LRRK1: variants seen among roughly 807,000 people sequenced by gnomAD.
LRRK1 encodes leucine-rich repeat serine/threonine-protein kinase 1.
LRRK1 carries 113 observed loss-of-function variants against 209.1 expected under a neutral mutation model. The ratio of observed to expected loss-of-function variants is 0.54; its 90% CI spans 0.46 to 0.63. LRRK1 has a LOEUF of 0.63. Ranked by LOEUF, LRRK1 falls within the 30% of genes least tolerant of loss-of-function variation. LRRK1 has a pLI of 0.00. For missense variants in LRRK1, 2,284 were observed against 2,632.2 expected, an observed-to-expected ratio of 0.87 and a Z score of 2.89; for synonymous variants, 1,144 against 1,099.7, an observed-to-expected ratio of 1.04 and a Z score of -0.80.
At chr15:100,938,127 G>C (rs1339389892) in intron 2 of LRRK1, among the ~76,000 whole-genome samples, 1 of 151,850 alleles carries the variant, frequency 6.6e-6, no homozygotes, top group Admixed American at 6.6e-5. Flanking sequence ...CCAAGGTGCT[G>C]GGATTACAGA....
At chr15:100,936,655 T>A (rs538716250) in intron 2 of LRRK1, among the ~76,000 whole-genome samples, 323 of 152,318 alleles carry the variant, frequency 2.1e-3, no homozygotes, top group Non-Finnish European at 3.4e-3. Flanking sequence ...GTCAATAGCA[T>A]GCTAGCTGTG....
rs2036517094 is a variant in LRRK1 at position 101,066,107 on chromosome 15, G to A, written c.5670G>A (p.Arg1890=). ...MLHTPGAASD[R]SEHDLTPMDG... is the part of the protein sequence containing the mutation. ...ATACGCCCGGTGCTGCCTCCGACAG[G>A]TCTGAGCATGACCTGACCCCCATGG... is the stretch of plus-strand genomic sequence containing the variant. The change falls in exon 32 of 34, where the codon AGG becomes AGA. Residue 1890 remains arginine (R), a synonymous_variant. Coordinates refer to ENST00000388948, the MANE Select transcript of LRRK1 (RefSeq NM_024652.6). 6.2e-7 allele frequency: 1 copy of A among 1,614,128 alleles called. No individual in the cohort carries two copies. The highest frequency in any genetic ancestry group is 8.5e-7 in the Non-Finnish European group (1 of 1,180,044).
intron 33 of LRRK1, among the ~76,000 whole-genome samples, chr15:101,068,246 G>T (rs187043443): frequency 1.5e-3 from 235 of 152,300 alleles, no homozygotes; most frequent in African/African-American, 5.6e-3. Flanking sequence ...TAAGCCTGTA[G>T]AAACAGAATG....
intron 6 of LRRK1, among the ~76,000 whole-genome samples, chr15:100,993,575 C>A (rs892027642): frequency 6.6e-6 from 1 of 152,190 alleles, no homozygotes; most frequent in Non-Finnish European, 1.5e-5. Context: ...TTTGTTTTCT[C>A]TTCACGTGTC....
At chr15:101,012,633 A>T (rs917217462) in intron 10 of LRRK1, among the ~76,000 whole-genome samples, 2 of 149,830 alleles carry the variant, frequency 1.3e-5, no homozygotes, top group African/African-American at 4.9e-5. Context: ...GTGGACCCCC[A>T]GGCAGAGTGC....
chr15:101,025,147 G>A (rs2033966656), intron 16 of LRRK1, among the ~76,000 whole-genome samples, 180 bp downstream of exon 16: 1 of 152,152 alleles, frequency 6.6e-6, no homozygotes, highest in Non-Finnish European at 1.5e-5. Flanking sequence ...CTCTGCTGAG[G>A]GCTGGTGATG....
At chr15:100,936,628 C>T (rs571757583) in intron 2 of LRRK1, among the ~76,000 whole-genome samples, 16 of 152,344 alleles carry the variant, frequency 1.1e-4, no homozygotes, top group Non-Finnish European at 1.6e-4. Flanking sequence ...TGGGTCTTCC[C>T]TCTCAGAGCC....
chr15:101,008,583 A>C (rs1253116120), intron 6 of LRRK1, among the ~76,000 whole-genome samples: 1 of 152,120 alleles, frequency 6.6e-6, no homozygotes, highest in African/African-American at 2.4e-5. Context: ...CGCCCTCTGG[A>C]GGTTGGAGGG....
At chr15:101,057,836 G>A (rs1366545597) in intron 28 of LRRK1, among the ~76,000 whole-genome samples, 154 bp from the exon 29 acceptor site, 4 of 152,328 alleles carry the variant, frequency 2.6e-5, no homozygotes, top group Non-Finnish European at 4.4e-5. Flanking sequence ...TGCTCCTGAC[G>A]TCTGAAGCTG....
chr15:100,940,530 C>T (rs993470216), intron 2 of LRRK1, among the ~76,000 whole-genome samples: 6 of 152,194 alleles, frequency 3.9e-5, no homozygotes, highest in African/African-American at 9.7e-5. Context: ...TCAACGGTGT[C>T]TCTGCTCTGC....
At position 100,924,571 on chromosome 15, in the gene LRRK1, C is replaced by A; in HGVS notation, c.-62C>A. The A allele has an allele frequency of 1.4e-6, 2 of 1,472,332 alleles. No homozygotes were observed. The highest frequency in any genetic ancestry group is 1.9e-6 in the Non-Finnish European group (2 of 1,052,512). 91.2% of individuals were successfully genotyped at this position (1,472,332 alleles called of 1,614,324 possible). A position where few individuals can be genotyped will look rare whatever the true frequency, so the allele number is the denominator to read the frequency against. ...TCCACGCCTTAATGCACCCCACAGC[C>A]AGCGGCAGTGGCAGTGACAACAGCG... On this transcript the variant is annotated 5_prime_UTR_variant, in exon 2 of 34. Transcript: ENST00000388948.
intron 2 of LRRK1, among the ~76,000 whole-genome samples, chr15:100,956,442 T>TC (rs2042758513): frequency 1.6e-5 from 2 of 125,298 alleles, no homozygotes; most frequent in Admixed American, 1.8e-4. Flanking sequence ...CGCTTTTCTT[T>TC]CCTTTTTTTT....
Position 101,015,323 on chromosome 15 carries a change from C to CG in LRRK1, c.1533-3_1533-2insG. Reference sequence around the variant, plus strand: ...AAATTTTGTCTCTTTTTCCTCCCCCCAGAAATGAAGATGGACTGAAAACGA... The same window carrying CG: ...AAATTTTGTCTCTTTTTCCTCCCCCCGAGAAATGAAGATGGACTGAAAACGA... On this transcript the variant is annotated splice_region_variant and splice_polypyrimidine_tract_variant and intron_variant, in intron 11 of 33. Coordinates refer to ENST00000388948, the MANE Select transcript of LRRK1 (RefSeq NM_024652.6). 1.2e-6 allele frequency: 2 copies of CG among 1,613,144 alleles called. No homozygotes were observed. The highest frequency in any genetic ancestry group is 3.3e-5 in the Admixed American group (2 of 59,956).
At chr15:100,932,781 G>C (rs536381750) in intron 2 of LRRK1, among the ~76,000 whole-genome samples, 1 of 152,328 alleles carries the variant, frequency 6.6e-6, no homozygotes, top group East Asian at 1.9e-4. Flanking sequence ...CGTTGAAACA[G>C]TGCCTGTTGA....
In LRRK1 at chr15:101,027,567, G is replaced by A; in HGVS notation, c.2527-71G>A. 1.3e-6 allele frequency: 2 copies of A among 1,571,042 alleles called. No individual in the cohort carries two copies. The highest frequency in any genetic ancestry group is 1.7e-6 in the Non-Finnish European group (2 of 1,157,856). ...CACCCCCTCAGGCCACAGGGGCCGG[G>A]CAGGATCTGCCCAAGCTGGCAGGTG... is the stretch of plus-strand genomic sequence containing the variant. On this transcript the variant is annotated intron_variant, in intron 18 of 33. Coordinates refer to ENST00000388948, the MANE Select transcript of LRRK1 (RefSeq NM_024652.6). The surrounding 1 kb of genome is among the most constrained non-coding windows in gnomAD (Gnocchi z 5.1).
At chr15:100,928,214 C>T (rs1034564774) in intron 2 of LRRK1, among the ~76,000 whole-genome samples, 1 of 152,214 alleles carries the variant, frequency 6.6e-6, no homozygotes, top group East Asian at 1.9e-4. Flanking sequence ...GGTAAACCTC[C>T]TGTGCTTACA....
intron 2 of LRRK1, among the ~76,000 whole-genome samples, chr15:100,949,912 A>G (rs1287051450): frequency 2.0e-5 from 3 of 152,136 alleles, no homozygotes; most frequent in African/African-American, 4.8e-5. Flanking sequence ...AACTAACATC[A>G]TACTTAATAG....
intron 6 of LRRK1, among the ~76,000 whole-genome samples, chr15:101,005,221 G>GCAAA (rs2032886073): frequency 6.6e-6 from 1 of 152,174 alleles, no homozygotes; most frequent in Non-Finnish European, 1.5e-5. Context: ...ACTTGGCATT[G>GCAAA]CAAAGTCCAC....
intron 6 of LRRK1, among the ~76,000 whole-genome samples, chr15:101,003,925 C>T (rs1293608240): frequency 6.6e-6 from 1 of 152,164 alleles, no homozygotes; most frequent in African/African-American, 2.4e-5. Context: ...CCAGAGCACC[C>T]CAGCAGCCCT....
Sources: allele counts gnomAD v4.1 joint callset (sites outside exome capture counted in the v4.1 genomes callset), GRCh38; gene constraint gnomAD v4.1.1; non-coding constraint Gnocchi (gnomAD v3.1); transcripts MANE v1.5; gene names NCBI Gene and HGNC (gene_info 2026-07-23, HGNC 2026-07-21).